The following ATXN7L1 variants were observed in gnomAD, a reference collection of about 807,000 sequenced individuals.
The protein encoded by ATXN7L1 is ataxin 7 like 1.
ATXN7L1 carries 15 observed loss-of-function variants against 70.8 expected under a neutral mutation model. The observed-to-expected ratio is 0.21, with a 90% CI of 0.14 to 0.33. ATXN7L1 has a LOEUF of 0.33. ATXN7L1 is among the 10% of genes least tolerant of loss of function. The pLI is 1.00. For synonymous variants in ATXN7L1, 440 were observed against 445.1 expected (o/e 0.99, Z 0.14); for missense variants, 975 against 1,097.1 (o/e 0.89, Z 1.57).
chr7:105,743,681 C>G (rs912280797), intron 3 of ATXN7L1, among the ~76,000 whole-genome samples: 1 of 152,204 alleles, frequency 6.6e-6, no homozygotes, highest in African/African-American at 2.4e-5. Context: ...GACCTTCTGA[C>G]CCACCAGCCA....
chr7:105,644,590 T>G (rs1029335176), intron 4 of ATXN7L1, among the ~76,000 whole-genome samples: 1 of 152,210 alleles, frequency 6.6e-6, no homozygotes, highest in Non-Finnish European at 1.5e-5. Context: ...TTAATGGCAA[T>G]TCTCAAAGCA....
chr7:105,640,427 C>G (rs978540903), intron 5 of ATXN7L1, among the ~76,000 whole-genome samples: 1 of 152,242 alleles, frequency 6.6e-6, no homozygotes, highest in African/African-American at 2.4e-5. Flanking sequence ...GAGGTTACTT[C>G]TAAGGAGCCT....
chr7:105,647,466 G>A (rs1361462317), intron 4 of ATXN7L1, among the ~76,000 whole-genome samples: 1 of 152,208 alleles, frequency 6.6e-6, no homozygotes, highest in Admixed American at 6.5e-5. Flanking sequence ...TGACCAACAT[G>A]GTGATACCCC....
At chr7:105,699,626 A>G (rs1219633581) in intron 3 of ATXN7L1, among the ~76,000 whole-genome samples, 1 of 152,176 alleles carries the variant, frequency 6.6e-6, no homozygotes, top group Non-Finnish European at 1.5e-5. Context: ...AGTATTGCAG[A>G]TATGTAGATG....
intron 3 of ATXN7L1, among the ~76,000 whole-genome samples, chr7:105,714,470 A>G (rs1200474610): frequency 6.6e-6 from 1 of 152,236 alleles, no homozygotes; most frequent in Non-Finnish European, 1.5e-5. Flanking sequence ...TTCCCAGGCC[A>G]GGCCAACAAT....
chr7:105,668,846 G>T (rs1176609678), intron 3 of ATXN7L1, among the ~76,000 whole-genome samples: 2 of 152,140 alleles, frequency 1.3e-5, no homozygotes, highest in Admixed American at 1.3e-4. Context: ...AGAGGCTACA[G>T]CAAGTTGTGA....
chr7:105,705,410 T>C (rs902476468), intron 3 of ATXN7L1, among the ~76,000 whole-genome samples: 2 of 152,240 alleles, frequency 1.3e-5, no homozygotes, highest in African/African-American at 2.4e-5. Context: ...TCTTATTTTA[T>C]CAAAAGCTTT....
chr7:105,805,203 G>A (rs1807387731), intron 2 of ATXN7L1, among the ~76,000 whole-genome samples: 1 of 152,254 alleles, frequency 6.6e-6, no homozygotes, highest in African/African-American at 2.4e-5. Flanking sequence ...AAAGGGCAAA[G>A]TGTGCTAGAG....
At chr7:105,826,433 G>A (rs1156559117) in intron 2 of ATXN7L1, among the ~76,000 whole-genome samples, 2 of 152,122 alleles carry the variant, frequency 1.3e-5, no homozygotes, top group Non-Finnish European at 2.9e-5. Context: ...TGGGTTCTCT[G>A]CCAATGTTGG....
chr7:105,742,603 A>G (rs1341819937), intron 3 of ATXN7L1, among the ~76,000 whole-genome samples: 3 of 152,178 alleles, frequency 2.0e-5, no homozygotes, highest in African/African-American at 7.2e-5. Flanking sequence ...GATGCAGGCA[A>G]TTTGGTTCCA....
intron 3 of ATXN7L1, among the ~76,000 whole-genome samples, chr7:105,678,467 C>A (rs1805051180): frequency 6.6e-6 from 1 of 152,168 alleles, no homozygotes; most frequent in Non-Finnish European, 1.5e-5. Context: ...TCAGGGCCTG[C>A]AGTGTGCATG....
At chr7:105,714,215 A>G (rs1047960538) in intron 3 of ATXN7L1, among the ~76,000 whole-genome samples, 1 of 152,238 alleles carries the variant, frequency 6.6e-6, no homozygotes, top group African/African-American at 2.4e-5. Flanking sequence ...CAAATGCTAT[A>G]CAACTGAACC....
chr7:105,805,632 T>C (rs1447478955), intron 2 of ATXN7L1, among the ~76,000 whole-genome samples: 2 of 152,058 alleles, frequency 1.3e-5, no homozygotes, highest in East Asian at 3.9e-4. Context: ...AAGTGATAAA[T>C]AGGACGTGTG....
chr7:105,835,147 T>TG (rs1423458929), intron 2 of ATXN7L1, among the ~76,000 whole-genome samples: 1 of 100,984 alleles, frequency 9.9e-6, no homozygotes, highest in Admixed American at 1.4e-4. Context: ...TATAAGTGTG[T>TG]GGTTTTTTTT....
chr7:105,623,715 G>A (rs1368473178), intron 8 of ATXN7L1, among the ~76,000 whole-genome samples: 4 of 152,284 alleles, frequency 2.6e-5, no homozygotes, highest in Admixed American at 6.5e-5. Context: ...CAGAGGCTCC[G>A]TTTTTAGATG....
At chr7:105,738,255 C>T (rs146563957) in intron 3 of ATXN7L1, among the ~76,000 whole-genome samples, 1 of 152,360 alleles carries the variant, frequency 6.6e-6, no homozygotes, top group Admixed American at 6.5e-5. Context: ...TTTGCTGCTG[C>T]TCCCCTCAGC....
chr7:105,608,479 T>C (rs922192585), intron 11 of ATXN7L1, among the ~76,000 whole-genome samples: 1 of 152,088 alleles, frequency 6.6e-6, no homozygotes, highest in African/African-American at 2.4e-5. Context: ...TGGTGGCCAT[T>C]TGTGTTTGTC....
chr7:105,827,941 A>T (rs946553856), intron 2 of ATXN7L1, among the ~76,000 whole-genome samples: 3 of 152,206 alleles, frequency 2.0e-5, no homozygotes, highest in Admixed American at 6.5e-5. Context: ...TGCATAATAA[A>T]TAGTCATATG....
At chr7:105,854,099 C>A (rs965698610) in intron 2 of ATXN7L1, among the ~76,000 whole-genome samples, 16 of 152,182 alleles carry the variant, frequency 1.1e-4, no homozygotes, top group South Asian at 2.1e-4. Context: ...GCAGTTTTCC[C>A]TATAAGGCCG....
Sources: gnomAD v4.1 joint callset for allele counts (sites outside exome capture counted in the v4.1 genomes callset) on GRCh38, gnomAD v4.1.1 for gene constraint, MANE v1.5 for transcripts, NCBI Gene and HGNC (gene_info 2026-07-23, HGNC 2026-07-21) for gene names.